HEPHL1: variants seen among roughly 807,000 people sequenced by gnomAD.
The protein encoded by HEPHL1 is hephaestin like 1.
Under a neutral mutation model 122.0 loss-of-function variants are expected in HEPHL1, and 123 were observed. The ratio of observed to expected loss-of-function variants is 1.01; its 90% CI spans 0.87 to 1.17. HEPHL1 has a LOEUF of 1.17. Ranked by LOEUF, HEPHL1 falls within the 50% of genes most tolerant of loss-of-function variation. The pLI is 0.00. For missense variants in HEPHL1, 1,452 were observed against 1,430.5 expected (o/e 1.01, Z -0.24); for synonymous variants, 527 against 508.9 (o/e 1.04, Z -0.48).
At chr11:94,104,966 G>A (rs1438401164) in intron 16 of HEPHL1, among the ~76,000 whole-genome samples, 1 of 152,180 alleles carries the variant, frequency 6.6e-6, no homozygotes, top group East Asian at 1.9e-4. Flanking sequence ...AACTTGTAGG[G>A]ACATGTATTT....
chr11:94,045,991 T>C lies in HEPHL1; in HGVS notation c.415+74T>C, dbSNP rs1307021228. On this transcript the variant is annotated intron_variant, in intron 2 of 19. Transcript: ENST00000315765. ...AAGGTAACTGTCAGAGTTAAAGAGA[T>C]TTTAGGAGCACATTGATTACATGGA... is the stretch of plus-strand genomic sequence containing the variant. 2.2e-6 allele frequency: 3 copies of C among 1,378,054 alleles called. No homozygotes were observed. The Admixed American group carries it at 5.9e-5, about 27-fold the overall frequency. The allele number at this position is 1,378,054 out of a possible 1,614,324, so 85.4% of individuals were successfully genotyped here.
intron 1 of HEPHL1, among the ~76,000 whole-genome samples, chr11:94,037,183 C>G (rs969677436): frequency 6.1e-4 from 89 of 146,068 alleles, no homozygotes; most frequent in South Asian, 1.3e-3. Flanking sequence ...CGGCGCACCA[C>G]GAGATTATAT....
At chr11:94,046,316 T>G (rs569861945) in intron 2 of HEPHL1, among the ~76,000 whole-genome samples, 3 of 151,586 alleles carry the variant, frequency 2.0e-5, no homozygotes, top group Admixed American at 6.6e-5. Context: ...CAAGCTGGTC[T>G]CAACCTCCTG....
In HEPHL1 at chr11:94,063,578, C is replaced by T; in HGVS notation, c.486C>T (p.Tyr162=). 1 of 1,613,654 alleles carries T rather than the reference C, an allele frequency of 6.2e-7. No homozygotes were observed. Among genetic ancestry groups the T allele is most frequent in the Non-Finnish European group, 8.5e-7 (1 of 1,179,794 alleles). ...ACATGGTTCCTCCTGGGAAAAACTACACCTACGTCTGGCCGGTGAGAGAAG... is the reference window on the plus strand; with the variant it reads ...ACATGGTTCCTCCTGGGAAAAACTATACCTACGTCTGGCCGGTGAGAGAAG... The part of the protein sequence containing the change: ...NDDMVPPGKN[Y]TYVWPVREEY... Residue 162 remains tyrosine, a synonymous_variant, in exon 3 of 20, where the codon TAC becomes TAT. Coordinates refer to ENST00000315765, the MANE Select transcript of HEPHL1 (RefSeq NM_001098672.2).
chr11:94,044,150 G>T (rs2134414637), intron 1 of HEPHL1, among the ~76,000 whole-genome samples: 1 of 152,110 alleles, frequency 6.6e-6, no homozygotes, highest in South Asian at 2.1e-4. Context: ...GGGGAAGGGG[G>T]CTTCACCTCT....
chr11:94,070,259 C>T (rs1946063205), intron 5 of HEPHL1, 115 bp from the exon 6 acceptor site: 1 of 1,001,130 alleles, frequency 1.0e-6, no homozygotes, highest in Admixed American at 3.5e-5. Flanking sequence ...TCTTTATGGT[C>T]CAATTTTCTG....
chr11:94,083,857 TA>T (rs1206875747), intron 10 of HEPHL1, among the ~76,000 whole-genome samples: 2 of 152,076 alleles, frequency 1.3e-5, no homozygotes, highest in African/African-American at 4.8e-5. Flanking sequence ...AAGGGGAAAT[TA>T]AGGTGGAAAT....
Position 94,111,681 on chromosome 11 carries a change from C to CT in HEPHL1, c.3278-6dup. The CT allele has an allele frequency of 6.2e-7, 1 of 1,612,884 alleles. No individual in the cohort carries two copies. On this transcript the variant is annotated splice_polypyrimidine_tract_variant and intron_variant, in intron 19 of 19. Coordinates refer to ENST00000315765, the MANE Select transcript of HEPHL1 (RefSeq NM_001098672.2). ...AATGTCAGGGGCCTGACAAGTTTAT[C>CT]TTTTTCACAGAACGACCTGGCAAAG...
At chr11:94,049,217 T>A (rs1945867558) in intron 2 of HEPHL1, among the ~76,000 whole-genome samples, 1 of 151,782 alleles carries the variant, frequency 6.6e-6, no homozygotes, top group South Asian at 2.1e-4. Context: ...ATTAAAAAAA[T>A]GCTCAACATC....
At chr11:94,060,189 A>G (rs765782529) in intron 2 of HEPHL1, among the ~76,000 whole-genome samples, 1 of 148,782 alleles carries the variant, frequency 6.7e-6, no homozygotes, top group Admixed American at 6.7e-5. Context: ...GATCATGAGC[A>G]AAAAGAAGCC....
At chr11:94,106,161 C>T (rs527412270) in intron 17 of HEPHL1, 31 bp downstream of exon 17, 36 of 1,481,190 alleles carry the variant, frequency 2.4e-5, no homozygotes, top group Admixed American at 4.1e-5. Flanking sequence ...TTGGGAAAGA[C>T]GTTTTTGAAC....
chr11:94,037,017 G>T (rs1182033255), intron 1 of HEPHL1, among the ~76,000 whole-genome samples: 1 of 152,170 alleles, frequency 6.6e-6, no homozygotes. Context: ...TGCGCGCACC[G>T]TGCACGAGCC....
chr11:94,111,169 AGAGTC>A, intron 18 of HEPHL1, 104 bp downstream of exon 18: 1 of 866,756 alleles, frequency 1.2e-6, no homozygotes, highest in South Asian at 1.8e-5. Flanking sequence ...CAACAAGCTC[AGAGTC>A]AAGTAAGAGA....
At chr11:94,064,682 A>G (rs188778579) in intron 4 of HEPHL1, among the ~76,000 whole-genome samples, 172 bp downstream of exon 4, 3 of 152,312 alleles carry the variant, frequency 2.0e-5, no homozygotes, top group Non-Finnish European at 2.9e-5. Flanking sequence ...ACCTGAAACA[A>G]TCTGAGGGGG....
At chr11:94,089,747 T>C (rs2134443918) in intron 12 of HEPHL1, among the ~76,000 whole-genome samples, 1 of 152,318 alleles carries the variant, frequency 6.6e-6, no homozygotes, top group Middle Eastern at 3.4e-3. Flanking sequence ...TGCCTGGTAT[T>C]ACTGTTCTGA....
intron 1 of HEPHL1, among the ~76,000 whole-genome samples, chr11:94,023,532 G>A (rs1945598914): frequency 6.6e-6 from 1 of 152,144 alleles, no homozygotes. Context: ...TTTGATGAAA[G>A]TACAATAAAA....
chr11:94,062,481 T>C (rs1424851416), intron 2 of HEPHL1, among the ~76,000 whole-genome samples: 2 of 152,220 alleles, frequency 1.3e-5, no homozygotes, highest in African/African-American at 4.8e-5. Flanking sequence ...CCACACTGGC[T>C]CTTGCTGTGT....
chr11:94,112,968 T>A lies in HEPHL1; in HGVS notation c.*1074T>A, dbSNP rs919817018. 2.0e-5 allele frequency: 3 copies of A among 152,158 alleles called. No homozygotes were observed. The highest frequency in any genetic ancestry group is 6.5e-5 in the Admixed American group (1 of 15,278). 9.4% of individuals were successfully genotyped at this position (152,158 alleles called of 1,614,324 possible). On this transcript the variant is annotated 3_prime_UTR_variant, in exon 20 of 20. Transcript: ENST00000315765. ...TAAATATCCTAGATTCTATGGCTTT[T>A]AAAGACATACCTCTTCATGGAAGGA...
intron 13 of HEPHL1, among the ~76,000 whole-genome samples, chr11:94,095,348 G>A (rs977713641): frequency 6.6e-6 from 1 of 152,092 alleles, no homozygotes; most frequent in Non-Finnish European, 1.5e-5. Flanking sequence ...TGTTCCATTG[G>A]TCTATATCTT....
Sources: allele counts gnomAD v4.1 joint callset (sites outside exome capture counted in the v4.1 genomes callset), GRCh38; gene constraint gnomAD v4.1.1; transcripts MANE v1.5; gene names NCBI Gene and HGNC (gene_info 2026-07-23, HGNC 2026-07-21).